The following TTLL6 variants were observed in gnomAD, a reference collection of about 807,000 sequenced individuals.
TTLL6 encodes the protein tubulin tyrosine ligase like 6, also known as tubulin polyglutamylase TTLL6.
Under a neutral mutation model 96.4 loss-of-function variants are expected in TTLL6, and 75 were observed. The observed-to-expected ratio is 0.78, with a 90% confidence interval of 0.65 to 0.94. The LOEUF (loss-of-function observed/expected upper bound fraction) is 0.94, where lower values mean the gene tolerates loss of function less well. Ranked by LOEUF, TTLL6 falls within the 40% of genes least tolerant of loss-of-function variation. The pLI, the probability that TTLL6 is intolerant of heterozygous loss-of-function variation, is 0.00. For missense variants in TTLL6, 1,030 were observed against 1,093.0 expected (o/e 0.94, Z 0.81); for synonymous variants, 411 against 419.4 (o/e 0.98, Z 0.24).
intron 8 of TTLL6, among the ~76,000 whole-genome samples, chr17:48,793,890 G>A (rs1319948361): frequency 1.3e-5 from 2 of 152,210 alleles, no homozygotes; most frequent in Non-Finnish European, 2.9e-5. Context: ...CACCCCTGGA[G>A]ATGAGAAGGT....
intron 8 of TTLL6, among the ~76,000 whole-genome samples, chr17:48,791,931 A>G (rs1172318980): frequency 1.3e-5 from 2 of 152,182 alleles, no homozygotes. Flanking sequence ...CCCTGACACC[A>G]TGGTTTTACT....
chr17:48,807,085 G>T (rs12945825), intron 1 of TTLL6, among the ~76,000 whole-genome samples: 2 of 151,532 alleles, frequency 1.3e-5, no homozygotes, highest in African/African-American at 4.8e-5. Context: ...TTCTTTTTTT[G>T]TTGTTGTTTT....
At chr17:48,769,379 G>A (rs1237529587) in intron 14 of TTLL6, 125 bp from the exon 15 acceptor site, 1 of 1,197,832 alleles carries the variant, frequency 8.3e-7, no homozygotes, top group Non-Finnish European at 1.2e-6. Context: ...CTTTGAGCCA[G>A]AATCAGCCAT....
intron 13 of TTLL6, among the ~76,000 whole-genome samples, chr17:48,781,872 C>CCACT (rs2038993440): frequency 6.6e-6 from 1 of 152,134 alleles, no homozygotes; most frequent in African/African-American, 2.4e-5. Context: ...CTAGCTCCTT[C>CCACT]CACTGTGTGA....
At chr17:48,765,661 T>C (rs1457213021) in intron 15 of TTLL6, 1 of 152,258 alleles carries the variant, frequency 6.6e-6, no homozygotes, top group Non-Finnish European at 1.5e-5. Context: ...ATTTCTGTCT[T>C]GGTTTACCCC....
rs147099310 is a variant in TTLL6 at position 48,785,033 on chromosome 17, C to T, written c.1930G>A (p.Asp644Asn). ...TSAKPFSSLPDLRNINLSSSK... is the reference protein window; with the variant it reads ...TSAKPFSSLPNLRNINLSSSK... ...CTGCTGAGATTGATATTCCTCAGAT[C>T]GGGTAGAGAACTGAAGGGCTTCGCA... The change falls in exon 13 of 16, where the codon GAT (aspartate) becomes AAT (asparagine). Residue 644 changes from aspartate (D) to asparagine (N), a missense_variant. Asp to Asn is a conservative substitution (Grantham distance 23, BLOSUM62 1). Coordinates refer to ENST00000393382, the MANE Select transcript of TTLL6 (RefSeq NM_001130918.3). 1.4e-5 allele frequency: 22 copies of T among 1,613,918 alleles called. No individual in the cohort carries two copies. Among genetic ancestry groups the T allele is most frequent in the East Asian group, 2.2e-5 (1 of 44,900 alleles).
At chr17:48,781,310 G>C (rs2038980893) in intron 13 of TTLL6, among the ~76,000 whole-genome samples, 1 of 152,116 alleles carries the variant, frequency 6.6e-6, no homozygotes, top group Middle Eastern at 3.2e-3. Flanking sequence ...GCGTCCCAAA[G>C]TGCTGGGATT....
At chr17:48,804,676 C>A in intron 2 of TTLL6, 96 bp downstream of exon 2, 1 of 1,058,854 alleles carries the variant, frequency 9.4e-7, no homozygotes. Context: ...CACAGTTTCT[C>A]CTTTACTCTC....
chr17:48,768,185 T>C (rs1050337895), intron 15 of TTLL6, among the ~76,000 whole-genome samples: 6 of 152,062 alleles, frequency 3.9e-5, no homozygotes, highest in Non-Finnish European at 2.9e-5. Context: ...AACCTTCAGC[T>C]CTGGGCTCAA....
In TTLL6 at chr17:48,769,630, C is replaced by G. The variant is rs564427340; in HGVS notation, c.2410+98G>C. 1.3e-5 allele frequency: 19 copies of G among 1,449,374 alleles called. No individual in the cohort carries two copies. In the East Asian group the frequency reaches 3.2e-4, roughly 24 times the overall value. The allele number at this position is 1,449,374 out of a possible 1,614,324, so 89.8% of individuals were successfully genotyped here. On this transcript the variant is annotated intron_variant, in intron 14 of 15. Transcript: ENST00000393382. ...TTCCCTGAAGACAGGGGCTGTCCCC[C>G]CTCCAAAGACTGGGAGCTCCCCAAA...
chr17:48,782,262 C>T (rs968432003), intron 13 of TTLL6, among the ~76,000 whole-genome samples: 2 of 152,010 alleles, frequency 1.3e-5, no homozygotes, highest in Non-Finnish European at 2.9e-5. Context: ...CGCACCACCA[C>T]GCCTGGCTAG....
At chr17:48,767,800 G>A (rs571494735) in intron 15 of TTLL6, among the ~76,000 whole-genome samples, 10 of 152,068 alleles carry the variant, frequency 6.6e-5, no homozygotes, top group East Asian at 1.9e-4. Context: ...CCTTTTGCAC[G>A]GTGGAACCAA....
chr17:48,807,564 T>G (rs552973660), intron 1 of TTLL6, among the ~76,000 whole-genome samples: 1 of 152,180 alleles, frequency 6.6e-6, no homozygotes, highest in Non-Finnish European at 1.5e-5. Flanking sequence ...CAGGCTGAAG[T>G]GTAGTGGTGC....
At chr17:48,807,049 T>G (rs2039515563) in intron 1 of TTLL6, among the ~76,000 whole-genome samples, 1 of 151,974 alleles carries the variant, frequency 6.6e-6, no homozygotes, top group African/African-American at 2.4e-5. Context: ...AATTAATTAA[T>G]TAATTAATTT....
At chr17:48,789,283 T>C in intron 10 of TTLL6, among the ~76,000 whole-genome samples, 1 of 152,200 alleles carries the variant, frequency 6.6e-6, no homozygotes, top group East Asian at 1.9e-4. Flanking sequence ...ACTGCTACAT[T>C]CTGCCAATAT....
chr17:48,803,340 CA>C (rs1284901305), intron 3 of TTLL6, among the ~76,000 whole-genome samples: 1 of 151,588 alleles, frequency 6.6e-6, no homozygotes, highest in African/African-American at 2.4e-5. Flanking sequence ...ACTAGAAATA[CA>C]AAAATTTAGC....
chr17:48,786,093 G>T, intron 12 of TTLL6, 71 bp downstream of exon 12: 2 of 1,595,312 alleles, frequency 1.3e-6, no homozygotes, highest in Non-Finnish European at 1.7e-6. Flanking sequence ...GGTCTCCTCA[G>T]CACCCCTCCA....
At chr17:48,767,751 C>T (rs1461928559) in intron 15 of TTLL6, among the ~76,000 whole-genome samples, 1 of 152,204 alleles carries the variant, frequency 6.6e-6, no homozygotes, top group Non-Finnish European at 1.5e-5. Context: ...CTCAGAAGCA[C>T]TGAAGTTCAG....
At position 48,804,739 on chromosome 17, in the gene TTLL6, A is replaced by G. The variant is rs745803322; in HGVS notation, c.323+33T>C. 2.0e-6 allele frequency: 3 copies of G among 1,537,640 alleles called. No individual in the cohort carries two copies. The South Asian group carries it at 3.6e-5, about 18-fold the overall frequency. ...CCAAGTCCTTCCTGTTATTACCAAC[A>G]TGGCTCCCCATTCCCCAGCTTTCAA... On this transcript the variant is annotated intron_variant, in intron 2 of 15. Transcript: ENST00000393382.
Sources: gnomAD v4.1 joint callset for allele counts (sites outside exome capture counted in the v4.1 genomes callset) on GRCh38, gnomAD v4.1.1 for gene constraint, MANE v1.5 for transcripts, NCBI Gene and HGNC (gene_info 2026-07-23, HGNC 2026-07-21) for gene names.